The following SELP variants were observed in gnomAD, a reference collection of about 807,000 sequenced individuals.
SELP encodes selectin P.
A neutral mutation model predicts 104.1 loss-of-function variants in SELP; 92 were observed. The observed-to-expected ratio is 0.88, with a 90% CI of 0.75 to 1.05. The LOEUF (loss-of-function observed/expected upper bound fraction) is 1.05. Ranked by LOEUF, SELP falls within the 50% of genes least tolerant of loss-of-function variation. The pLI is 0.00. For missense variants in SELP, 1,022 were observed against 1,017.3 expected (o/e 1.00, Z -0.06); for synonymous variants, 397 against 364.5 (o/e 1.09, Z -1.01).
intron 1 of SELP, among the ~76,000 whole-genome samples, chr1:169,623,469 C>CTGTT (rs753756620): frequency 2.0e-5 from 3 of 152,060 alleles, no homozygotes; most frequent in Admixed American, 6.6e-5. Flanking sequence ...CCATTTTAAC[C>CTGTT]TGTTTGTTTG....
At position 169,612,387 on chromosome 1, in the gene SELP, G is replaced by A; in HGVS notation, c.791C>T (p.Pro264Leu). 6.2e-7 allele frequency: 1 copy of A among 1,614,066 alleles called. No individual in the cohort carries two copies. Among genetic ancestry groups the A allele is most frequent in the Non-Finnish European group, 8.5e-7 (1 of 1,179,992 alleles). ...GTTTCCTCGTTCAGGAATCTTCAGG[G>A]GTGGGCACTGGGCAGCTAAAACCAA... is the stretch of plus-strand genomic sequence containing the variant. ...PPQCLAAQCP[P>L]LKIPERGNMT... The change falls in exon 6 of 17, where the codon CCC becomes CTC. Residue 264 changes from proline to leucine, a missense_variant. Physicochemically the swap from Pro to Leu is moderately conservative, Grantham distance 98 (BLOSUM62 -3). Transcript: ENST00000263686.
chr1:169,595,893 G>C, intron 12 of SELP, 32 bp downstream of exon 12: 1 of 1,600,398 alleles, frequency 6.2e-7, no homozygotes, highest in Non-Finnish European at 8.6e-7. Flanking sequence ...CAGGAAGGCA[G>C]GTTCAGAACT....
intron 2 of SELP, 24 bp downstream of exon 2, chr1:169,619,105 G>A: frequency 1.3e-6 from 2 of 1,582,402 alleles, no homozygotes; most frequent in Non-Finnish European, 1.7e-6. Context: ...TTAGGCCTAA[G>A]TGAAAAGTTA....
At chr1:169,614,437 G>T (rs528978433) in intron 3 of SELP, among the ~76,000 whole-genome samples, 3 of 152,296 alleles carry the variant, frequency 2.0e-5, no homozygotes, top group South Asian at 2.1e-4. Flanking sequence ...GAAGGGCCAT[G>T]GTTTCTTTCC....
intron 1 of SELP, among the ~76,000 whole-genome samples, chr1:169,623,727 G>C (rs187838626): frequency 1.3e-5 from 2 of 152,208 alleles, no homozygotes; most frequent in Admixed American, 1.3e-4. Flanking sequence ...CCTCTTACAG[G>C]TTATTTCAGA....
At chr1:169,610,807 CAAACAAACAA>C (rs1662488072) in intron 7 of SELP, among the ~76,000 whole-genome samples, 1 of 120,038 alleles carries the variant, frequency 8.3e-6, no homozygotes, top group Non-Finnish European at 1.7e-5. Context: ...AACAAACAAA[CAAACAAACAA>C]AAACACCAAA....
intron 2 of SELP, among the ~76,000 whole-genome samples, chr1:169,617,715 C>T (rs1415125223): frequency 6.6e-6 from 1 of 152,158 alleles, no homozygotes; most frequent in Non-Finnish European, 1.5e-5. Flanking sequence ...TAATTTACTC[C>T]TGTCCTTTTA....
At chr1:169,602,877 G>C (rs1661974998) in intron 10 of SELP, 149 bp downstream of exon 10, 1 of 530,130 alleles carries the variant, frequency 1.9e-6, no homozygotes, top group Non-Finnish European at 3.2e-6. Flanking sequence ...ATTATTTAAA[G>C]AGAGGGAGAA....
intron 9 of SELP, among the ~76,000 whole-genome samples, chr1:169,604,382 G>T (rs904777667): frequency 2.0e-5 from 3 of 151,880 alleles, no homozygotes; most frequent in South Asian, 2.1e-4. Context: ...TTGCAAAAAT[G>T]TTCTCCCATT....
At position 169,608,584 on chromosome 1, in the gene SELP, G is replaced by A. The variant is rs535440406; in HGVS notation, c.1333+920C>T. ...GAATAATATTCCACTGTAAGTATGT[G>A]GAATACTTTTTACTTATCCTTTCAT... On this transcript the variant is annotated intron_variant, in intron 8 of 16. Coordinates refer to ENST00000263686, the MANE Select transcript of SELP (RefSeq NM_003005.4). Among the ~76,000 whole-genome samples, 167 of 152,226 alleles carry A rather than the reference G, an allele frequency of 1.1e-3. 2 individuals are homozygous for A. In the Middle Eastern group the frequency reaches 0.017, roughly 16 times the overall value.
chr1:169,612,955 CA>C lies in SELP; in HGVS notation c.748del (p.Trp250GlyfsTer9). On this transcript the variant is annotated frameshift_variant, in exon 5 of 17. Coordinates refer to ENST00000263686, the MANE Select transcript of SELP (RefSeq NM_003005.4). LOFTEE classifies it high-confidence loss of function. Reference sequence around the variant, plus strand: ...TAAACACTGTGGAGGCTTATTTGTCCAGATTCCAGAAGCCAAGCATTCCAGC... The same window carrying C: ...TAAACACTGTGGAGGCTTATTTGTCCGATTCCAGAAGCCAAGCATTCCAGC... The part of the protein sequence containing the change: ...SKLECLASGI[W>X]TNKPPQCLAA... 6.2e-7 allele frequency: 1 copy of C among 1,612,350 alleles called. No individual in the cohort carries two copies. The highest frequency in any genetic ancestry group is 8.5e-7 in the Non-Finnish European group (1 of 1,178,864).
At position 169,609,450 on chromosome 1, in the gene SELP, T is replaced by C; in HGVS notation, c.1333+54A>G. 5 of 1,527,436 alleles carry C rather than the reference T, an allele frequency of 3.3e-6. No individual in the cohort carries two copies. The Admixed American group carries it at 5.5e-5, about 17-fold the overall frequency. 94.6% of individuals were successfully genotyped at this position (1,527,436 alleles called of 1,614,324 possible). On this transcript the variant is annotated intron_variant, in intron 8 of 16. Transcript: ENST00000263686. ...GCATGCCAATGCTCAGTGCAGATGC[T>C]GATGCCTCTAACGAGCTGAGACACA...
Position 169,609,623 on chromosome 1 carries a change from G to T in SELP, c.1214C>A (p.Ala405Glu). The T allele has an allele frequency of 6.2e-7, 1 of 1,613,964 alleles. No individual in the cohort carries two copies. Among genetic ancestry groups the T allele is most frequent in the Non-Finnish European group, 8.5e-7 (1 of 1,179,944 alleles). Residue 405 changes from alanine (A) to glutamate (E), a missense_variant, in exon 8 of 17, where the codon GCG (alanine) becomes GAG (glutamate). Coordinates refer to ENST00000263686, the MANE Select transcript of SELP (RefSeq NM_003005.4). ...GSMDCSPSLR[A>E]FQYDTNCSFR... is the part of the protein sequence containing the mutation. ...GCTACAGTTGGTGTCATACTGAAAC[G>T]CTCTCAAGGATGGAGAGCAATCCAT... is the stretch of plus-strand genomic sequence containing the variant.
chr1:169,624,256 G>A (rs1013866226), intron 1 of SELP, among the ~76,000 whole-genome samples: 1 of 152,112 alleles, frequency 6.6e-6, no homozygotes, highest in African/African-American at 2.4e-5. Flanking sequence ...TCTGTCCTGT[G>A]TTACTAAGCA....
At chr1:169,602,673 A>G (rs112057681) in intron 10 of SELP, among the ~76,000 whole-genome samples, 81 of 152,180 alleles carry the variant, frequency 5.3e-4, no homozygotes, top group Middle Eastern at 6.8e-3. Context: ...GTGCAATGGC[A>G]CAATCTCAGC....
At chr1:169,614,651 A>G (rs1041634848) in intron 3 of SELP, among the ~76,000 whole-genome samples, 3 of 152,160 alleles carry the variant, frequency 2.0e-5, no homozygotes, top group African/African-American at 7.2e-5. Flanking sequence ...AAGAATATCC[A>G]TATGTCATAT....
chr1:169,613,171 T>C, intron 4 of SELP, 57 bp from the exon 5 acceptor site: 1 of 1,456,360 alleles, frequency 6.9e-7, no homozygotes, highest in Non-Finnish European at 9.2e-7. Flanking sequence ...AGCAATGTCA[T>C]GTTTGCTGAA....
intron 12 of SELP, among the ~76,000 whole-genome samples, chr1:169,595,119 A>G (rs561911972): frequency 6.6e-6 from 1 of 152,310 alleles, no homozygotes; most frequent in East Asian, 1.9e-4. Flanking sequence ...CATCCGACAA[A>G]TACCTGCTAA....
At position 169,609,613 on chromosome 1, in the gene SELP, A is replaced by G. The variant is rs769674466; in HGVS notation, c.1224T>C (p.Tyr408=). The G allele has an allele frequency of 1.2e-6, 2 of 1,614,062 alleles. No homozygotes were observed. The highest frequency in any genetic ancestry group is 3.3e-5 in the Admixed American group (2 of 60,014). Residue 408 remains tyrosine, a synonymous_variant, in exon 8 of 17, where the codon TAT becomes TAC. Coordinates refer to ENST00000263686, the MANE Select transcript of SELP (RefSeq NM_003005.4). ...CACAGCGGAAGCTACAGTTGGTGTC[A>G]TACTGAAACGCTCTCAAGGATGGAG... is the stretch of plus-strand genomic sequence containing the variant. The part of the protein sequence containing the change: ...DCSPSLRAFQ[Y]DTNCSFRCAE...
Sources: allele counts gnomAD v4.1 joint callset (sites outside exome capture counted in the v4.1 genomes callset), GRCh38; gene constraint gnomAD v4.1.1; transcripts MANE v1.5; gene names NCBI Gene and HGNC (gene_info 2026-07-23, HGNC 2026-07-21).